Variants in KIAA0513 observed in about 807,000 individuals in gnomAD.
KIAA0513 encodes the protein uncharacterized protein KIAA0513.
A neutral mutation model predicts 56.5 loss-of-function variants in KIAA0513; 39 were observed. The ratio of observed to expected loss-of-function variants is 0.69; its 90% confidence interval spans 0.53 to 0.90. The LOEUF (loss-of-function observed/expected upper bound fraction) is 0.90. KIAA0513 is among the 40% of genes least tolerant of loss of function. KIAA0513 has a pLI of 0.00. For synonymous variants in KIAA0513, 268 were observed against 215.6 expected (o/e 1.24, Z -2.13); for missense variants, 591 against 535.2 (o/e 1.10, Z -1.03).
At chr16:85,071,470 C>G (rs1166578998) in intron 2 of KIAA0513, among the ~76,000 whole-genome samples, 4 of 152,212 alleles carry the variant, frequency 2.6e-5, no homozygotes, top group African/African-American at 9.6e-5. Flanking sequence ...CAGGCTCAGA[C>G]CTCCCCAGGC....
In KIAA0513 at chr16:85,087,030, C is replaced by G. The variant is rs142024476; in HGVS notation, c.1092-42C>G. On this transcript the variant is annotated intron_variant, in intron 11 of 12. Coordinates refer to ENST00000683363, the MANE Select transcript of KIAA0513 (RefSeq NM_001388359.1). ...GGGCCCAGCTCCCCGGCCCTTTCCCCTGGGAGGCCAGCGGGTGACGCTCTT... is the reference window on the plus strand; with the variant it reads ...GGGCCCAGCTCCCCGGCCCTTTCCCGTGGGAGGCCAGCGGGTGACGCTCTT... 484 of 1,593,442 alleles carry G rather than the reference C, an allele frequency of 3.0e-4. 1 individual carries two copies. The African/African-American group carries it at 5.3e-3, about 18-fold the overall frequency.
At chr16:85,071,922 A>G in intron 3 of KIAA0513, 40 bp downstream of exon 3, 1 of 1,321,274 alleles carries the variant, frequency 7.6e-7, no homozygotes, top group South Asian at 1.2e-5. Flanking sequence ...GTTTACTCTC[A>G]AGGAAGAATC....
chr16:85,083,580 C>A (rs139772852), intron 10 of KIAA0513, among the ~76,000 whole-genome samples: 2 of 152,316 alleles, frequency 1.3e-5, no homozygotes, highest in East Asian at 3.9e-4. Flanking sequence ...CTGGGAGCAT[C>A]CCAGCGTCCT....
intron 1 of KIAA0513, among the ~76,000 whole-genome samples, chr16:85,058,596 G>T (rs1387068827): frequency 1.3e-5 from 2 of 150,846 alleles, no homozygotes; most frequent in Non-Finnish European, 2.9e-5. Flanking sequence ...AGGTTGCGGT[G>T]AGCCAAGATT....
chr16:85,065,525 C>G (rs2073467612), intron 1 of KIAA0513, among the ~76,000 whole-genome samples: 1 of 152,188 alleles, frequency 6.6e-6, no homozygotes, highest in Middle Eastern at 3.2e-3. Flanking sequence ...CTCTTTCTGA[C>G]TCAGGGTATT....
chr16:85,082,566 G>T lies in KIAA0513; in HGVS notation c.983G>T (p.Gly328Val), dbSNP rs755231000. The T allele has an allele frequency of 4.3e-6, 7 of 1,613,928 alleles. No homozygotes were observed. Among genetic ancestry groups the T allele is most frequent in the Non-Finnish European group, 4.2e-6 (5 of 1,179,962 alleles). Residue 328 changes from glycine (G) to valine (V), a missense_variant and splice_region_variant, in exon 10 of 13, where the codon GGG (glycine) becomes GTG (valine). Gly to Val is a moderately radical substitution (Grantham distance 109). Transcript: ENST00000683363. ...ERTKRSPTTR[G>V]DAGEEEEKRE... Reference sequence around the variant, plus strand: ...ACCTGTTTCTGCTGCCGCTCCAGAGGGGATGCTGGAGAGGAGGAGGAGAAG... The same window carrying T: ...ACCTGTTTCTGCTGCCGCTCCAGAGTGGATGCTGGAGAGGAGGAGGAGAAG...
chr16:85,083,493 A>G (rs988244635), intron 10 of KIAA0513, among the ~76,000 whole-genome samples: 1 of 152,166 alleles, frequency 6.6e-6, no homozygotes, highest in Non-Finnish European at 1.5e-5. Context: ...CTAGGTTTTC[A>G]CTGACTCTCT....
intron 1 of KIAA0513, among the ~76,000 whole-genome samples, chr16:85,065,848 C>T (rs2073473482): frequency 6.6e-6 from 1 of 152,158 alleles, no homozygotes; most frequent in South Asian, 2.1e-4. Context: ...GTCAGGAGAC[C>T]TGGGTTAGAA....
Position 85,067,208 on chromosome 16 carries a change from A to T in KIAA0513, c.137A>T (p.Glu46Val). 1 of 1,614,164 alleles carries T rather than the reference A, an allele frequency of 6.2e-7. No homozygotes were observed. Among genetic ancestry groups the T allele is most frequent in the Non-Finnish European group, 8.5e-7 (1 of 1,180,016 alleles). ...GSLGDGASESETTESADSEND... is the reference protein window; with the variant it reads ...GSLGDGASESVTTESADSEND... ...CTGGGGGACGGTGCATCAGAGAGTGAGACCACTGAGTCTGCGGACAGTGAG... is the reference window on the plus strand; with the variant it reads ...CTGGGGGACGGTGCATCAGAGAGTGTGACCACTGAGTCTGCGGACAGTGAG... The change falls in exon 2 of 13, where the codon GAG becomes GTG. Residue 46 changes from glutamate (E) to valine (V), a missense_variant. By Grantham distance (121) the Glu-to-Val change is moderately radical. Coordinates refer to ENST00000683363, the MANE Select transcript of KIAA0513 (RefSeq NM_001388359.1).
At chr16:85,078,574 G>T (rs1248301737) in intron 7 of KIAA0513, 119 bp downstream of exon 7, 1 of 931,628 alleles carries the variant, frequency 1.1e-6, no homozygotes. Context: ...ACCTTGCCCT[G>T]GGTGATGCCC....
At chr16:85,057,757 C>CTTTTTTTT (rs1460366309) in intron 1 of KIAA0513, among the ~76,000 whole-genome samples, 1 of 147,778 alleles carries the variant, frequency 6.8e-6, no homozygotes, top group Admixed American at 6.6e-5. Flanking sequence ...GCTGCCTCTG[C>CTTTTTTTT]TTTTTGTTTT....
chr16:85,090,623 G>A lies in KIAA0513; in HGVS notation c.*2298G>A, dbSNP rs1319398359. On this transcript the variant is annotated 3_prime_UTR_variant, in exon 13 of 13. Transcript: ENST00000683363. Reference sequence around the variant, plus strand: ...GGGTTGGGGTTTTCTTTGTTTGTTTGTTTGTTTCCCCCTTTACTACCTGTT... The same window carrying A: ...GGGTTGGGGTTTTCTTTGTTTGTTTATTTGTTTCCCCCTTTACTACCTGTT... 6.6e-6 allele frequency: 1 copy of A among 152,316 alleles called. No individual in the cohort carries two copies. Among genetic ancestry groups the A allele is most frequent in the Non-Finnish European group, 1.5e-5 (1 of 68,124 alleles). 9.4% of individuals were successfully genotyped at this position (152,316 alleles called of 1,614,324 possible). A position where few individuals can be genotyped will look rare whatever the true frequency, so the allele number is the denominator to read the frequency against.
In KIAA0513 at chr16:85,067,054, C is replaced by G; in HGVS notation, c.-18C>G. The G allele has an allele frequency of 6.5e-7, 1 of 1,528,054 alleles. No homozygotes were observed. Among genetic ancestry groups the G allele is most frequent in the East Asian group, 2.3e-5 (1 of 43,864 alleles). 94.7% of individuals were successfully genotyped at this position (1,528,054 alleles called of 1,614,324 possible). A position where few individuals can be genotyped will look rare whatever the true frequency, so the allele number is the denominator to read the frequency against. ...CAGCCTCCCCTCCAGGCAGCCTCAC[C>G]AGCAGCTCCCCTGAGCCATGGAGAC... On this transcript the variant is annotated 5_prime_UTR_variant, in exon 2 of 13. Coordinates refer to ENST00000683363, the MANE Select transcript of KIAA0513 (RefSeq NM_001388359.1).
At chr16:85,032,972 T>C (rs999710092) in intron 1 of KIAA0513, among the ~76,000 whole-genome samples, 1 of 151,982 alleles carries the variant, frequency 6.6e-6, no homozygotes, top group Non-Finnish European at 1.5e-5. Flanking sequence ...ATTCCCTGGG[T>C]TAGGACCTCA....
At chr16:85,064,628 A>G (rs1320140047) in intron 1 of KIAA0513, among the ~76,000 whole-genome samples, 2 of 152,158 alleles carry the variant, frequency 1.3e-5, no homozygotes, top group Non-Finnish European at 2.9e-5. Flanking sequence ...TTTAATTTGC[A>G]TATTTATATC....
chr16:85,054,686 T>C (rs1442073504), intron 1 of KIAA0513, among the ~76,000 whole-genome samples: 4 of 152,050 alleles, frequency 2.6e-5, no homozygotes, highest in Admixed American at 6.6e-5. Context: ...CTCCTCAGCC[T>C]CCCACAGTTC....
intron 1 of KIAA0513, among the ~76,000 whole-genome samples, chr16:85,031,055 T>C (rs2072957576): frequency 6.6e-6 from 1 of 152,232 alleles, no homozygotes. Flanking sequence ...AATAAGCATA[T>C]TAATTGGAAA....
intron 1 of KIAA0513, among the ~76,000 whole-genome samples, chr16:85,053,339 C>A (rs187888929): frequency 9.8e-5 from 15 of 152,352 alleles, no homozygotes; most frequent in African/African-American, 3.4e-4. Flanking sequence ...ATCTTTTAGA[C>A]CCAGCGCATT....
chr16:85,064,425 A>G (rs1303695471), intron 1 of KIAA0513, among the ~76,000 whole-genome samples: 1 of 152,228 alleles, frequency 6.6e-6, no homozygotes, highest in Non-Finnish European at 1.5e-5. Flanking sequence ...TTATTTTCTT[A>G]GGATAAATTC....
Sources: gnomAD v4.1 joint callset for allele counts (sites outside exome capture counted in the v4.1 genomes callset) on GRCh38, gnomAD v4.1.1 for gene constraint, MANE v1.5 for transcripts, NCBI Gene and HGNC (gene_info 2026-07-23, HGNC 2026-07-21) for gene names.